The following GNAT2 variants were observed in gnomAD, a reference collection of about 807,000 sequenced individuals.
GNAT2 encodes the protein guanine nucleotide-binding protein G(t) subunit alpha-2.
In GNAT2, 32 loss-of-function variants were observed where a neutral mutation model predicts 40.9. The ratio of observed to expected loss-of-function variants is 0.78; its 90% CI spans 0.59 to 1.05. GNAT2 has a LOEUF of 1.05. GNAT2 is among the 50% of genes least tolerant of loss of function. GNAT2 has a pLI of 0.00. For missense variants in GNAT2, 355 were observed against 431.5 expected (o/e 0.82, Z 1.57); for synonymous variants, 141 against 157.2 (o/e 0.90, Z 0.77).
At chr1:109,615,883 A>G (rs1274135243) in intron 1 of GNAT2, 1 of 152,318 alleles carries the variant, frequency 6.6e-6, no homozygotes, top group East Asian at 1.9e-4. Context: ...GAAAGCATGG[A>G]CAAATGCATG....
Position 109,604,203 on chromosome 1 carries a change from T to C in GNAT2, c.721-99A>G. On this transcript the variant is annotated intron_variant, in intron 7 of 8. Coordinates refer to ENST00000679935, the MANE Select transcript of GNAT2 (RefSeq NM_001377295.2). ...CCCTTGGAGAGACCAGTGCTCCAAA[T>C]GTAAAAAGCAAGACAGAGAACAGCT... 5 of 924,572 alleles carry C rather than the reference T, an allele frequency of 5.4e-6. 1 individual carries two copies. Among genetic ancestry groups the C allele is most frequent in the Non-Finnish European group, 8.8e-6 (5 of 567,760 alleles). The allele number at this position is 924,572 out of a possible 1,614,324, so 57.3% of individuals were successfully genotyped here.
intron 2 of GNAT2, 139 bp downstream of exon 2, chr1:109,612,614 C>T (rs1649831223): frequency 1.4e-6 from 1 of 721,900 alleles, no homozygotes; most frequent in African/African-American, 1.7e-5. Context: ...ATCTCCTGAT[C>T]CCCTAGCCAG....
Position 109,610,191 on chromosome 1 carries a change from G to A in GNAT2, c.162-10C>T. The A allele has an allele frequency of 6.2e-7, 1 of 1,613,686 alleles. No individual in the cohort carries two copies. The highest frequency in any genetic ancestry group is 8.5e-7 in the Non-Finnish European group (1 of 1,179,610). On this transcript the variant is annotated splice_polypyrimidine_tract_variant and intron_variant, in intron 3 of 8. Coordinates refer to ENST00000679935, the MANE Select transcript of GNAT2 (RefSeq NM_001377295.2). ...ATCCTGGTGAATGATCCTGCAAGGG[G>A]CAGACACTCTGTCTTTAGCTGGACC...
At chr1:109,606,128 G>A (rs1233138781) in intron 6 of GNAT2, 29 bp from the exon 7 acceptor site, 1 of 1,613,464 alleles carries the variant, frequency 6.2e-7, no homozygotes, top group Non-Finnish European at 8.5e-7. Context: ...ATTTTCATAG[G>A]TATGCCCAAC....
At chr1:109,606,528 T>C (rs948907259) in intron 5 of GNAT2, 92 bp from the exon 6 acceptor site, 78 of 1,064,456 alleles carry the variant, frequency 7.3e-5, no homozygotes, top group Non-Finnish European at 2.8e-5. Flanking sequence ...CACAGCTAAT[T>C]TGGTGATAGA....
At chr1:109,607,198 T>C (rs1649629994) in intron 5 of GNAT2, 1 of 150,552 alleles carries the variant, frequency 6.6e-6, no homozygotes. Context: ...GCGCCTATAA[T>C]CCCAGTACTT....
intron 1 of GNAT2, chr1:109,613,926 C>T (rs1649875821): frequency 1.3e-5 from 2 of 152,230 alleles, no homozygotes; most frequent in African/African-American, 4.8e-5. Flanking sequence ...CTCCTTCTGG[C>T]TCTCATCCCA....
At chr1:109,610,336 G>C in intron 3 of GNAT2, 129 bp downstream of exon 3, 3 of 1,181,170 alleles carry the variant, frequency 2.5e-6, no homozygotes, top group Non-Finnish European at 3.8e-6. Flanking sequence ...GTACAGATGA[G>C]GGGCATTGGA....
intron 4 of GNAT2, chr1:109,609,140 T>G (rs1179215604): frequency 5.6e-6 from 2 of 354,554 alleles, no homozygotes; most frequent in East Asian, 6.8e-5. Flanking sequence ...AGATTGACCA[T>G]GAAATAGACA....
intron 4 of GNAT2, chr1:109,609,568 A>G: frequency 4.3e-6 from 1 of 231,576 alleles, no homozygotes; most frequent in South Asian, 5.8e-5. Context: ...GGAGGGTGAG[A>G]TTGCAGTGAG....
At chr1:109,619,331 C>T (rs1650057282) in intron 1 of GNAT2, among the ~76,000 whole-genome samples, 152 bp downstream of exon 1, 1 of 152,218 alleles carries the variant, frequency 6.6e-6, no homozygotes, top group Non-Finnish European at 1.5e-5. Context: ...GAAATAGAAG[C>T]ACAGAGAAGT....
chr1:109,617,968 A>G (rs1380656442), intron 1 of GNAT2: 1 of 152,214 alleles, frequency 6.6e-6, no homozygotes, highest in Non-Finnish European at 1.5e-5. Context: ...TCAGTGGGCC[A>G]TAAATGTAAA....
chr1:109,607,496 CT>C (rs1283588440), intron 5 of GNAT2: 1 of 149,520 alleles, frequency 6.7e-6, no homozygotes, highest in Non-Finnish European at 1.5e-5. Flanking sequence ...ACTGAGATGA[CT>C]GAGAGGAGGA....
chr1:109,613,823 G>C (rs1373268017), intron 1 of GNAT2: 1 of 152,206 alleles, frequency 6.6e-6, no homozygotes, highest in African/African-American at 2.4e-5. Flanking sequence ...CTGGTATTCA[G>C]TGTGGGGTTT....
intron 4 of GNAT2, chr1:109,609,121 G>A: frequency 2.6e-6 from 1 of 382,366 alleles, no homozygotes; most frequent in Non-Finnish European, 5.0e-6. Context: ...GACTGAAAAT[G>A]TAAAGGCCAG....
At chr1:109,610,567 A>ATGGCC (rs1649765796) in intron 2 of GNAT2, 60 bp from the exon 3 acceptor site, 1 of 1,463,364 alleles carries the variant, frequency 6.8e-7, no homozygotes, top group African/African-American at 1.4e-5. Flanking sequence ...CTTCCAGGAG[A>ATGGCC]TGGCCTGGGA....
intron 4 of GNAT2, 32 bp downstream of exon 4, chr1:109,610,008 C>G (rs1472023925): frequency 1.9e-6 from 3 of 1,609,704 alleles, no homozygotes; most frequent in Non-Finnish European, 2.6e-6. Flanking sequence ...CTTTCTGCTT[C>G]CACCCTTAAC....
At position 109,610,403 on chromosome 1, in the gene GNAT2, C is replaced by T. The variant is rs1649759615; in HGVS notation, c.161+62G>A. 8 of 1,501,156 alleles carry T rather than the reference C, an allele frequency of 5.3e-6. No homozygotes were observed. The Admixed American group carries it at 1.0e-4, about 19-fold the overall frequency. The allele number at this position is 1,501,156 out of a possible 1,614,324, so 93.0% of individuals were successfully genotyped here. On this transcript the variant is annotated intron_variant, in intron 3 of 8. Coordinates refer to ENST00000679935, the MANE Select transcript of GNAT2 (RefSeq NM_001377295.2). ...CTAAAGAGCCTTTCACTTTGAATAC[C>T]TCCACTGGCTGTACTGACTTCTTCA...
chr1:109,605,883 TG>T, intron 7 of GNAT2, 86 bp downstream of exon 7: 1 of 1,179,340 alleles, frequency 8.5e-7, no homozygotes, highest in Non-Finnish European at 1.3e-6. Flanking sequence ...TTACCTAAGT[TG>T]GGGCAGTAGA....
Sources: allele counts gnomAD v4.1 joint callset (sites outside exome capture counted in the v4.1 genomes callset), GRCh38; gene constraint gnomAD v4.1.1; transcripts MANE v1.5; gene names NCBI Gene and HGNC (gene_info 2026-07-23, HGNC 2026-07-21).